DCDC2C: variants seen among roughly 807,000 people sequenced by gnomAD.
DCDC2C encodes doublecortin domain-containing protein 2C.
DCDC2C carries 44 observed loss-of-function variants against 45.0 expected under a neutral mutation model. The observed-to-expected ratio is 0.98, with a 90% CI of 0.77 to 1.26. The LOEUF is 1.26. DCDC2C is among the 50% of genes most tolerant of loss of function. DCDC2C has a pLI of 0.00. For missense variants in DCDC2C, 447 were observed against 468.9 expected (o/e 0.95, Z 0.43); for synonymous variants, 187 against 178.8 (o/e 1.05, Z -0.37).
chr2:3,785,303 G>T (rs983118779), intron 10 of DCDC2C, among the ~76,000 whole-genome samples: 9 of 152,144 alleles, frequency 5.9e-5, no homozygotes, highest in African/African-American at 2.2e-4. Context: ...CTTTCACATG[G>T]GTGGATGGAT....
intron 9 of DCDC2C, among the ~76,000 whole-genome samples, chr2:3,784,730 C>T (rs548228678): frequency 3.9e-5 from 6 of 151,950 alleles, no homozygotes; most frequent in African/African-American, 1.4e-4. Flanking sequence ...AGGATGGGAG[C>T]TCCAAGATGT....
At chr2:3,705,523 G>A (rs1366433435) in intron 1 of DCDC2C, among the ~76,000 whole-genome samples, 3 of 152,102 alleles carry the variant, frequency 2.0e-5, no homozygotes, top group Non-Finnish European at 2.9e-5. Context: ...AGTCCCTTTC[G>A]ATACATATAT....
chr2:3,739,562 G>A (rs1161303004), intron 3 of DCDC2C, among the ~76,000 whole-genome samples: 1 of 152,238 alleles, frequency 6.6e-6, no homozygotes, highest in South Asian at 2.1e-4. Context: ...CCGCCGACCG[G>A]CAGAACGACA....
intron 10 of DCDC2C, 132 bp downstream of exon 10, chr2:3,785,232 C>A: frequency 5.1e-6 from 3 of 588,084 alleles, no homozygotes; most frequent in Non-Finnish European, 7.5e-6. Flanking sequence ...CTGTCATACA[C>A]CCTAGCTCTA....
chr2:3,731,909 T>C (rs1668879544), intron 3 of DCDC2C, among the ~76,000 whole-genome samples: 2 of 152,164 alleles, frequency 1.3e-5, no homozygotes, highest in Non-Finnish European at 2.9e-5. Context: ...GTGTATGGGA[T>C]GTTTCCTGTC....
intron 9 of DCDC2C, among the ~76,000 whole-genome samples, chr2:3,781,720 G>A (rs1250595680): frequency 6.6e-6 from 1 of 152,070 alleles, no homozygotes; most frequent in East Asian, 1.9e-4. Context: ...AATAAAAAAA[G>A]GTAGCCAGGT....
chr2:3,766,195 C>T (rs989550783), intron 6 of DCDC2C, among the ~76,000 whole-genome samples: 1 of 152,070 alleles, frequency 6.6e-6, no homozygotes, highest in East Asian at 1.9e-4. Flanking sequence ...GTCACAACTA[C>T]TTCTGTGCCC....
intron 10 of DCDC2C, chr2:3,844,147 C>G (rs925650840): frequency 5.9e-5 from 9 of 152,316 alleles, no homozygotes; most frequent in Middle Eastern, 6.8e-3. Context: ...TAGAAGCCCA[C>G]AGAGAACCAC....
intron 10 of DCDC2C, among the ~76,000 whole-genome samples, chr2:3,830,503 A>T (rs1304547803): frequency 1.3e-5 from 2 of 152,154 alleles, no homozygotes; most frequent in African/African-American, 2.4e-5. Flanking sequence ...CATTGGTAAG[A>T]TGAGGCCAAG....
intron 6 of DCDC2C, among the ~76,000 whole-genome samples, chr2:3,756,095 T>TGC (rs964114798): frequency 5.9e-5 from 9 of 152,128 alleles, no homozygotes; most frequent in African/African-American, 2.2e-4. Flanking sequence ...TGTGTGTGTG[T>TGC]GCTGATCACA....
At chr2:3,709,317 G>A (rs767203312) in intron 2 of DCDC2C, among the ~76,000 whole-genome samples, 33 of 152,242 alleles carry the variant, frequency 2.2e-4, no homozygotes, top group African/African-American at 5.3e-4. Context: ...TCAGAAGCTC[G>A]TTGTAAGGAC....
chr2:3,733,293 C>T (rs1050583212), intron 3 of DCDC2C, among the ~76,000 whole-genome samples: 3 of 152,226 alleles, frequency 2.0e-5, no homozygotes, highest in Admixed American at 2.0e-4. Flanking sequence ...TGAGGGACAG[C>T]TGCTTGGTCC....
intron 1 of DCDC2C, 198 bp downstream of exon 1, chr2:3,704,236 AG>A: frequency 2.3e-6 from 1 of 441,902 alleles, no homozygotes; most frequent in Non-Finnish European, 3.7e-6. Context: ...AAGCCGAGGC[AG>A]CCCCGCCCCC....
At chr2:3,813,054 TATATATATATATA>T (rs1337680490) in intron 10 of DCDC2C, among the ~76,000 whole-genome samples, 1,369 of 97,256 alleles carry the variant, frequency 0.014, 44 homozygotes, top group African/African-American at 0.066. Context: ...TATATATATA[TATATATATATATA>T]TTTTTTTTTT....
intron 3 of DCDC2C, among the ~76,000 whole-genome samples, chr2:3,741,122 A>G (rs1375011940): frequency 1.3e-5 from 2 of 152,338 alleles, no homozygotes; most frequent in Middle Eastern, 3.4e-3. Context: ...AAAATCTTCT[A>G]AGCACTTCCT....
chr2:3,740,378 A>C (rs777114505), intron 3 of DCDC2C, among the ~76,000 whole-genome samples: 2 of 152,206 alleles, frequency 1.3e-5, no homozygotes, highest in Admixed American at 1.3e-4. Flanking sequence ...ACATTGATCT[A>C]TTTTGCCAAA....
chr2:3,706,994 C>T (rs114210248), intron 1 of DCDC2C, among the ~76,000 whole-genome samples: 1,663 of 152,294 alleles, frequency 0.011, 35 homozygotes, highest in African/African-American at 0.037. Flanking sequence ...GTGCCTGGCA[C>T]GGATTCTCAT....
In DCDC2C at chr2:3,726,901, C is replaced by T. The variant is rs533656321; in HGVS notation, c.340-102C>T. 1.9e-5 allele frequency: 20 copies of T among 1,049,636 alleles called. No individual in the cohort carries two copies. The African/African-American group carries it at 2.2e-4, about 12-fold the overall frequency. 65.0% of individuals were successfully genotyped at this position (1,049,636 alleles called of 1,614,324 possible). A position where few individuals can be genotyped will look rare whatever the true frequency, so the allele number is the denominator to read the frequency against. ...GGTGTTCTATTGACAAAGGGGTTCC[C>T]CCCCTTTCTTATGTTTTAGGGCAGT... On this transcript the variant is annotated intron_variant, in intron 2 of 10. Coordinates refer to ENST00000399143, the MANE Select transcript of DCDC2C (RefSeq NM_001287444.2).
At chr2:3,769,478 C>A in intron 8 of DCDC2C, 67 bp downstream of exon 8, 1 of 1,391,170 alleles carries the variant, frequency 7.2e-7, no homozygotes, top group Non-Finnish European at 9.9e-7. Context: ...CCCGCCTCAG[C>A]GTCATCCTTC....
Sources: gnomAD v4.1 joint callset for allele counts (sites outside exome capture counted in the v4.1 genomes callset) on GRCh38, gnomAD v4.1.1 for gene constraint, MANE v1.5 for transcripts, NCBI Gene and HGNC (gene_info 2026-07-23, HGNC 2026-07-21) for gene names.